TMEM131: variants seen among roughly 807,000 people sequenced by gnomAD.
The protein encoded by TMEM131 is 2610524E03Rik.
In TMEM131, 66 loss-of-function variants were observed where a neutral mutation model predicts 211.6. The ratio of observed to expected loss-of-function variants is 0.31; its 90% CI spans 0.26 to 0.38. The LOEUF (loss-of-function observed/expected upper bound fraction) is 0.38, where lower values mean the gene tolerates loss of function less well. Among genes scored for constraint, TMEM131 ranks in the 10% least tolerant of loss-of-function variants. The pLI, the probability that TMEM131 is intolerant of heterozygous loss-of-function variation, is 1.00. For missense variants in TMEM131, 2,036 were observed against 2,299.3 expected (o/e 0.89, Z 2.34); for synonymous variants, 844 against 841.3 (o/e 1.00, Z -0.06).
intron 17 of TMEM131, 49 bp from the exon 18 acceptor site, chr2:97,811,281 T>C (rs769384125): frequency 5.5e-6 from 8 of 1,441,448 alleles, no homozygotes; most frequent in Non-Finnish European, 7.8e-6. Context: ...TAGTTGAAGT[T>C]TCCTATTAAA....
chr2:97,801,091 A>G (rs1008811675), intron 25 of TMEM131, among the ~76,000 whole-genome samples: 1 of 152,276 alleles, frequency 6.6e-6, no homozygotes, highest in Non-Finnish European at 1.5e-5. Context: ...GGGAAAGAAT[A>G]CAGTATTTCA....
intron 31 of TMEM131, among the ~76,000 whole-genome samples, chr2:97,778,365 A>G (rs1465455555): frequency 6.6e-6 from 1 of 152,178 alleles, no homozygotes; most frequent in East Asian, 1.9e-4. Context: ...AGCCTGGCCA[A>G]TATGATGAAA....
Position 97,759,629 on chromosome 2 carries a change from CACATCTAGTGTTAA to C in TMEM131, c.5206+9_5206+22del, listed in dbSNP as rs758994938. The C allele has an allele frequency of 1.4e-5, 22 of 1,571,726 alleles. No individual in the cohort carries two copies. In the African/African-American group the frequency reaches 2.8e-4, roughly 20 times the overall value. On this transcript the variant is annotated intron_variant, in intron 39 of 40. Transcript: ENST00000186436. ...CCTCTGTCCACAGGCTTATTAGTTA[CACATCTAGTGTTAA>C]ACACTCACCACCAGTTAGATTAAAA...
chr2:97,757,480 G>A lies in TMEM131; in HGVS notation c.5368-97C>T, dbSNP rs142154979. On this transcript the variant is annotated intron_variant, in intron 40 of 40. Transcript: ENST00000186436. ...TACAGAAAAGATGAGGCTGGGGCAC[G>A]CATTCCTCTTACTTTGTTTACTTTA... 828 of 1,322,156 alleles carry A rather than the reference G, an allele frequency of 6.3e-4. 8 individuals carry two copies. In the East Asian group the frequency reaches 0.015, roughly 24 times the overall value. 81.9% of individuals were successfully genotyped at this position (1,322,156 alleles called of 1,614,324 possible).
At chr2:97,779,478 C>T (rs889910677) in intron 31 of TMEM131, among the ~76,000 whole-genome samples, 3 of 152,198 alleles carry the variant, frequency 2.0e-5, no homozygotes, top group African/African-American at 7.2e-5. Flanking sequence ...CTTGTCTCTT[C>T]CTTAGGGCTG....
chr2:97,911,300 A>G (rs902920633), intron 2 of TMEM131, among the ~76,000 whole-genome samples: 1 of 152,214 alleles, frequency 6.6e-6, no homozygotes, highest in African/African-American at 2.4e-5. Flanking sequence ...TAAGGAGCGT[A>G]AAGGGATTAC....
chr2:97,940,071 G>A (rs553112232), intron 1 of TMEM131, among the ~76,000 whole-genome samples: 23 of 152,202 alleles, frequency 1.5e-4, no homozygotes, highest in African/African-American at 5.3e-4. Context: ...GTATCATACC[G>A]AATAGACAAA....
At chr2:97,895,708 T>C (rs984775805) in intron 3 of TMEM131, among the ~76,000 whole-genome samples, 1 of 152,224 alleles carries the variant, frequency 6.6e-6, no homozygotes, top group African/African-American at 2.4e-5. Context: ...GTCAGATAAA[T>C]GGTGATATCC....
At chr2:97,930,252 G>C (rs1296022041) in intron 1 of TMEM131, among the ~76,000 whole-genome samples, 1 of 151,808 alleles carries the variant, frequency 6.6e-6, no homozygotes, top group Non-Finnish European at 1.5e-5. Flanking sequence ...CTGGAAACGA[G>C]CTATAGGTGG....
intron 1 of TMEM131, 126 bp downstream of exon 1, chr2:97,995,350 G>C (rs924725450): frequency 2.0e-6 from 2 of 976,666 alleles, no homozygotes; most frequent in South Asian, 4.6e-5. Flanking sequence ...GGCTCGGGAC[G>C]GTACCCGACC....
chr2:97,816,906 A>C (rs1259086048), intron 12 of TMEM131, among the ~76,000 whole-genome samples: 1 of 152,162 alleles, frequency 6.6e-6, no homozygotes, highest in Admixed American at 6.5e-5. Flanking sequence ...TAAATAACAC[A>C]CACTTCCTGA....
At chr2:97,858,148 T>C (rs1673922998) in intron 5 of TMEM131, among the ~76,000 whole-genome samples, 1 of 152,290 alleles carries the variant, frequency 6.6e-6, no homozygotes, top group East Asian at 1.9e-4. Flanking sequence ...AAATAAATGA[T>C]ATAAAAATGT....
At position 97,834,867 on chromosome 2, in the gene TMEM131, G is replaced by C. The variant is rs760584065; in HGVS notation, c.863C>G (p.Ala288Gly). The C allele has an allele frequency of 5.0e-6, 8 of 1,613,772 alleles. No individual in the cohort carries two copies. The South Asian group carries it at 8.8e-5, about 18-fold the overall frequency. ...VMRASFSSRE[A>G]DNHTAFIRIK... ...TCTTATGAAGGCTGTGTGATTATCT[G>C]CTTCTCTAGATGAAAAACTGGCTCT... Residue 288 changes from alanine to glycine, a missense_variant, in exon 9 of 41, where the codon GCA becomes GGA. Physicochemically the swap from Ala to Gly is moderately conservative, Grantham distance 60 (BLOSUM62 0). This residue lies in a region of TMEM131 where 277 missense variants were observed against 378.0 expected (regional missense o/e 0.73). Transcript: ENST00000186436.
At position 97,835,053 on chromosome 2, in the gene TMEM131, T is replaced by C. The variant is rs572521009; in HGVS notation, c.805-128A>G. The C allele has an allele frequency of 7.0e-4, 665 of 946,788 alleles. 3 individuals carry two copies. Among genetic ancestry groups the C allele is most frequent in the South Asian group, 1.5e-3 (77 of 50,078 alleles). The allele number at this position is 946,788 out of a possible 1,614,324, so 58.6% of individuals were successfully genotyped here. On this transcript the variant is annotated intron_variant, in intron 8 of 40. Coordinates refer to ENST00000186436, the MANE Select transcript of TMEM131 (RefSeq NM_015348.2). ...TATACCTATTAATAAAAAAAATGCA[T>C]TGCTAATTAAACCAATATGTAACAC... is the stretch of plus-strand genomic sequence containing the variant.
At position 97,995,634 on chromosome 2, in the gene TMEM131, G is replaced by A. The variant is rs1680475165; in HGVS notation, c.29C>T (p.Thr10Ile). 8 of 1,226,624 alleles carry A rather than the reference G, an allele frequency of 6.5e-6. No individual in the cohort carries two copies. The highest frequency in any genetic ancestry group is 7.1e-6 in the Non-Finnish European group (7 of 983,994). The allele number at this position is 1,226,624 out of a possible 1,614,324, so 76.0% of individuals were successfully genotyped here. The change falls in exon 1 of 41, where the codon ACC becomes ATC. Residue 10 changes from threonine (T) to isoleucine (I), a missense_variant. By Grantham distance (89) the Thr-to-Ile change is moderately conservative (BLOSUM62 -1). Transcript: ENST00000186436. MGKRAGGGA[T>I]GATTAAVSTS... ...GGAGACGGCGGCGGTGGTGGCTCCG[G>A]TTGCTCCTCCTCCCGCCCGCTTCCC...
intron 11 of TMEM131, among the ~76,000 whole-genome samples, chr2:97,822,466 G>A (rs753298229): frequency 2.2e-4 from 34 of 152,088 alleles, no homozygotes; most frequent in Non-Finnish European, 4.7e-4. Context: ...TTCATTTTTG[G>A]GGCATAACAT....
chr2:97,826,198 C>T (rs1057401659), intron 11 of TMEM131, among the ~76,000 whole-genome samples: 8 of 152,154 alleles, frequency 5.3e-5, no homozygotes, highest in Non-Finnish European at 8.8e-5. Context: ...ATGATGCAAC[C>T]GTACTTGAAA....
intron 11 of TMEM131, among the ~76,000 whole-genome samples, chr2:97,827,086 A>G (rs1405742348): frequency 1.3e-5 from 2 of 152,090 alleles, no homozygotes; most frequent in Non-Finnish European, 2.9e-5. Flanking sequence ...AAAAAAAAAA[A>G]AAAAATTTTA....
At chr2:97,774,454 C>T (rs552886958) in intron 32 of TMEM131, among the ~76,000 whole-genome samples, 54 of 152,322 alleles carry the variant, frequency 3.5e-4, no homozygotes, top group African/African-American at 1.1e-3. Flanking sequence ...TAAAAGCACA[C>T]GGCCTCTATG....
Sources: gnomAD v4.1 joint callset for allele counts (sites outside exome capture counted in the v4.1 genomes callset) on GRCh38, gnomAD v4.1.1 for gene constraint, gnomAD v4.1.1 regional missense constraint, MANE v1.5 for transcripts, NCBI Gene and HGNC (gene_info 2026-07-23, HGNC 2026-07-21) for gene names.